Variants in MYO5A observed in about 807,000 individuals in gnomAD.
MYO5A encodes the protein myosin VA.
A neutral mutation model predicts 249.7 loss-of-function variants in MYO5A; 98 were observed. The ratio of observed to expected loss-of-function variants is 0.39; its 90% CI spans 0.33 to 0.46. The LOEUF is 0.46. Among genes scored for constraint, MYO5A ranks in the 20% least tolerant of loss-of-function variants. The probability of loss-of-function intolerance (pLI) is 0.98; values close to 1 mark genes in which losing one functional copy is unlikely to be tolerated. For synonymous variants in MYO5A, 778 were observed against 810.6 expected, an observed-to-expected ratio of 0.96 and a Z score of 0.68; for missense variants, 1,696 against 2,308.8, an observed-to-expected ratio of 0.73 and a Z score of 5.44.
At chr15:52,333,160 T>C (rs981747767) in intron 34 of MYO5A, among the ~76,000 whole-genome samples, 2 of 151,268 alleles carry the variant, frequency 1.3e-5, no homozygotes, top group African/African-American at 2.4e-5. Context: ...TTCTGTTCTT[T>C]ATAAATCACC....
chr15:52,418,908 C>A (rs749970636), intron 4 of MYO5A, among the ~76,000 whole-genome samples: 3 of 152,074 alleles, frequency 2.0e-5, no homozygotes, highest in Admixed American at 2.0e-4. Context: ...ATTTTCCTTT[C>A]GAATTTTACC....
rs745372009 is a variant in MYO5A, at chr15:52,370,469, T to A, written c.2818-52A>T. ...AAGTAAATACACATATCATCAAATG[T>A]ATTTAGTAAGAAAACCATGTTTATT... On this transcript the variant is annotated intron_variant, in intron 21 of 41. Coordinates refer to ENST00000399233, the MANE Select transcript of MYO5A (RefSeq NM_001382347.1). 2.9e-5 allele frequency: 45 copies of A among 1,545,236 alleles called. No homozygotes were observed. In the Admixed American group the frequency reaches 7.5e-4, roughly 26 times the overall value.
At chr15:52,431,860 T>C (rs1268244798) in intron 2 of MYO5A, among the ~76,000 whole-genome samples, 3 of 151,848 alleles carry the variant, frequency 2.0e-5, no homozygotes, top group Non-Finnish European at 2.9e-5. Flanking sequence ...TGGTGGCTCA[T>C]GCCTGTGGTT....
At chr15:52,437,958 C>T in intron 1 of MYO5A, 1 of 897,924 alleles carries the variant, frequency 1.1e-6, no homozygotes, top group Non-Finnish European at 1.3e-6. Context: ...AACCAATTTC[C>T]TCTTTATCTT....
rs1450569565 is a variant in MYO5A at position 52,360,010 on chromosome 15, G to A, written c.3381C>T (p.Ser1127=). The A allele has an allele frequency of 9.3e-6, 15 of 1,613,682 alleles. No individual in the cohort carries two copies. Among genetic ancestry groups the A allele is most frequent in the Non-Finnish European group, 1.2e-5 (14 of 1,179,750 alleles). The change falls in exon 25 of 42, where the codon AGC becomes AGT. Residue 1127 remains serine (S), a synonymous_variant. Coordinates refer to ENST00000399233, the MANE Select transcript of MYO5A (RefSeq NM_001382347.1). ...TGTCTTCCATTTCTGCAATTTCAGA[G>A]CTAAAGATATATTCAGACTCGTTGC... ...HSSNESEYIF[S]SEIAEMEDIP...
intron 1 of MYO5A, among the ~76,000 whole-genome samples, chr15:52,475,111 C>T (rs183399890): frequency 8.5e-5 from 13 of 152,210 alleles, no homozygotes; most frequent in Admixed American, 7.8e-4. Flanking sequence ...CTGGTTTAGT[C>T]TTGGGAGGGT....
chr15:52,447,709 G>C (rs1414796115), intron 1 of MYO5A, among the ~76,000 whole-genome samples: 1 of 152,218 alleles, frequency 6.6e-6, no homozygotes, highest in Non-Finnish European at 1.5e-5. Flanking sequence ...GAGGGTCTCA[G>C]ATGGAAATGA....
rs759915332 is a variant in MYO5A, at chr15:52,392,084, GA to G, written c.1402-15del. The G allele has an allele frequency of 1.2e-6, 2 of 1,603,688 alleles. No homozygotes were observed. Among genetic ancestry groups the G allele is most frequent in the African/African-American group, 1.3e-5 (1 of 74,434 alleles). On this transcript the variant is annotated splice_polypyrimidine_tract_variant and intron_variant, in intron 11 of 41. Coordinates refer to ENST00000399233, the MANE Select transcript of MYO5A (RefSeq NM_001382347.1). ...TTTGAAGACATGCTGAAATGAAAAAGAAAAAAAGCAGTCATTACTGGATCAT... is the reference window on the plus strand; with the variant it reads ...TTTGAAGACATGCTGAAATGAAAAAGAAAAAAGCAGTCATTACTGGATCAT...
intron 4 of MYO5A, among the ~76,000 whole-genome samples, chr15:52,419,436 T>C (rs902658675): frequency 6.6e-6 from 1 of 152,202 alleles, no homozygotes; most frequent in African/African-American, 2.4e-5. Flanking sequence ...TTTTTCTACA[T>C]CATCACTCAT....
chr15:52,463,725 G>A (rs1294425989), intron 1 of MYO5A, among the ~76,000 whole-genome samples: 1 of 152,170 alleles, frequency 6.6e-6, no homozygotes, highest in Non-Finnish European at 1.5e-5. Flanking sequence ...CTTATCTGAA[G>A]CTTCAAAAGA....
chr15:52,387,816 T>TATCC lies in MYO5A; in HGVS notation c.1752+9_1752+12dup. The TATCC allele has an allele frequency of 6.4e-7, 1 of 1,553,306 alleles. No individual in the cohort carries two copies. The highest frequency in any genetic ancestry group is 8.9e-7 in the Non-Finnish European group (1 of 1,125,114). On this transcript the variant is annotated intron_variant, in intron 14 of 41. Coordinates refer to ENST00000399233, the MANE Select transcript of MYO5A (RefSeq NM_001382347.1). ...CATACATCCTGGATTAGAGTAAGCC[T>TATCC]ATCCATAGTTACCTTGCTTGATTTA... is the stretch of plus-strand genomic sequence containing the variant.
intron 30 of MYO5A, 36 bp downstream of exon 30, chr15:52,346,325 A>G: frequency 7.5e-7 from 1 of 1,340,674 alleles, no homozygotes; most frequent in African/African-American, 1.4e-5. Context: ...GATCAATATA[A>G]TTAAACCAAA....
chr15:52,338,224 C>CTTTTTT (rs561714948), intron 32 of MYO5A, among the ~76,000 whole-genome samples: 1 of 128,806 alleles, frequency 7.8e-6, no homozygotes, highest in African/African-American at 2.8e-5. Context: ...ACTTGCTGCA[C>CTTTTTT]TTTTTTTTTT....
At chr15:52,420,842 T>C (rs964132188) in intron 4 of MYO5A, among the ~76,000 whole-genome samples, 3 of 152,182 alleles carry the variant, frequency 2.0e-5, no homozygotes, top group Non-Finnish European at 2.9e-5. Flanking sequence ...GGCCAGGTAG[T>C]TGAAAGTAAG....
chr15:52,472,241 G>C (rs1031980251), intron 1 of MYO5A, among the ~76,000 whole-genome samples: 1 of 151,970 alleles, frequency 6.6e-6, no homozygotes, highest in Non-Finnish European at 1.5e-5. Context: ...ACCACGCCCG[G>C]CTAATTTTTT....
Position 52,330,445 on chromosome 15 carries a change from G to A in MYO5A, c.4463C>T (p.Pro1488Leu), listed in dbSNP as rs1169465069. Reference protein sequence around the residue: ...PGQIIDEPIRPVNIPRKEKDF... With the variant: ...PGQIIDEPIRLVNIPRKEKDF... Reference sequence around the variant, plus strand: ...CTTTTCTTTCCTGGGAATGTTGACTGGTCGGATGGGTTCATCAATGATCTG... The same window carrying A: ...CTTTTCTTTCCTGGGAATGTTGACTAGTCGGATGGGTTCATCAATGATCTG... Residue 1488 changes from proline (P) to leucine (L), a missense_variant, in exon 35 of 42, where the codon CCA becomes CTA. Around this residue, in one of 5 missense-constraint regions of MYO5A, gnomAD observed 625 missense variants for 908.1 expected, o/e 0.69. Coordinates refer to ENST00000399233, the MANE Select transcript of MYO5A (RefSeq NM_001382347.1). The A allele has an allele frequency of 6.2e-7, 1 of 1,613,926 alleles. No homozygotes were observed. The highest frequency in any genetic ancestry group is 1.7e-5 in the Admixed American group (1 of 59,988).
chr15:52,458,275 A>G (rs2076160620), intron 1 of MYO5A, among the ~76,000 whole-genome samples: 1 of 152,226 alleles, frequency 6.6e-6, no homozygotes, highest in Non-Finnish European at 1.5e-5. Flanking sequence ...TGTTCCTAAC[A>G]CAAAGAAATG....
In MYO5A at chr15:52,481,964, C is replaced by T. The variant is rs527473074; in HGVS notation, c.27+46816G>A. Among the ~76,000 whole-genome samples, 10 of 152,298 alleles carry T rather than the reference C, an allele frequency of 6.6e-5. No homozygotes were observed. The East Asian group carries it at 1.7e-3, about 26-fold the overall frequency. The stretch of plus-strand genomic sequence containing the variant: ...ACAGGATATAATCAGTATTATTCTA[C>T]ATCAGTAGAATTATAAGAACATGAT... On this transcript the variant is annotated intron_variant, in intron 1 of 41. Transcript: ENST00000399233.
chr15:52,311,507 G>A lies in MYO5A; in HGVS notation c.*2189C>T, dbSNP rs992419792. 1 of 152,118 alleles carries A rather than the reference G, an allele frequency of 6.6e-6. No individual in the cohort carries two copies. The highest frequency in any genetic ancestry group is 2.4e-5 in the African/African-American group (1 of 41,400). The allele number at this position is 152,118 out of a possible 1,614,324, so 9.4% of individuals were successfully genotyped here. ...TGATACTGCAAATAAATAAATAAAT[G>A]TATTCAAACTGAATAAAGCAATACA... On this transcript the variant is annotated 3_prime_UTR_variant, in exon 42 of 42. Coordinates refer to ENST00000399233, the MANE Select transcript of MYO5A (RefSeq NM_001382347.1).
Sources: allele counts gnomAD v4.1 joint callset (sites outside exome capture counted in the v4.1 genomes callset), GRCh38; gene constraint gnomAD v4.1.1; regional missense constraint gnomAD v4.1.1; transcripts MANE v1.5; gene names NCBI Gene and HGNC (gene_info 2026-07-23, HGNC 2026-07-21).